Variants in TASP1 observed in about 807,000 individuals in gnomAD.
The protein encoded by TASP1 is taspase 1.
A neutral mutation model predicts 56.6 loss-of-function variants in TASP1; 16 were observed. The ratio of observed to expected loss-of-function variants is 0.28; its 90% CI spans 0.19 to 0.43. The LOEUF (loss-of-function observed/expected upper bound fraction) is 0.43. Among genes scored for constraint, TASP1 ranks in the 20% least tolerant of loss-of-function variants. The pLI is 1.00. For synonymous variants in TASP1, 179 were observed against 184.2 expected (o/e 0.97, Z 0.23); for missense variants, 393 against 511.6 (o/e 0.77, Z 2.24).
intron 12 of TASP1, 21 bp from the exon 13 acceptor site, chr20:13,417,542 A>G (rs753078475): frequency 6.2e-7 from 1 of 1,613,428 alleles, no homozygotes; most frequent in Admixed American, 1.7e-5. Flanking sequence ...AGAGAACACA[A>G]ATAGGCACAT....
intron 10 of TASP1, among the ~76,000 whole-genome samples, chr20:13,511,181 A>T (rs2044313416): frequency 6.6e-6 from 1 of 151,950 alleles, no homozygotes; most frequent in Non-Finnish European, 1.5e-5. Flanking sequence ...TTCCTAGGAA[A>T]AAAAAAAAAA....
chr20:13,483,269 C>T lies in TASP1; in HGVS notation c.943G>A (p.Ala315Thr). The part of the protein sequence containing the change: ...ECSHALQAED[A>T]HQALLETMQN... ...ATAGTCTCCAACAGGGCTTGGTGAG[C>T]ATCCTCAGCTTGTAAAGCATGTGAA... is the stretch of plus-strand genomic sequence containing the variant. Residue 315 changes from alanine to threonine, a missense_variant, in exon 11 of 14, where the codon GCT (alanine) becomes ACT (threonine). This residue lies in a region of TASP1 where 293 missense variants were observed against 354.2 expected (regional missense o/e 0.83). Coordinates refer to ENST00000337743, the MANE Select transcript of TASP1 (RefSeq NM_017714.3). 6.2e-7 allele frequency: 1 copy of T among 1,600,398 alleles called. No individual in the cohort carries two copies. Among genetic ancestry groups the T allele is most frequent in the South Asian group, 1.1e-5 (1 of 88,670 alleles).
intron 11 of TASP1, among the ~76,000 whole-genome samples, chr20:13,441,465 C>T (rs1448344447): frequency 6.6e-6 from 1 of 152,082 alleles, no homozygotes; most frequent in Non-Finnish European, 1.5e-5. Context: ...TGAGCCTTGT[C>T]TACATTAAAG....
At chr20:13,528,586 C>A in intron 9 of TASP1, 75 bp from the exon 10 acceptor site, 1 of 1,295,348 alleles carries the variant, frequency 7.7e-7, no homozygotes. Flanking sequence ...AGAAATCATA[C>A]CCTCTAATAA....
At chr20:13,587,663 A>T (rs1238055479) in intron 4 of TASP1, among the ~76,000 whole-genome samples, 1 of 152,114 alleles carries the variant, frequency 6.6e-6, no homozygotes, top group Non-Finnish European at 1.5e-5. Flanking sequence ...AGATTGGTTT[A>T]ATATCTGAAA....
chr20:13,464,329 G>A (rs925338779), intron 11 of TASP1, among the ~76,000 whole-genome samples: 3 of 152,074 alleles, frequency 2.0e-5, no homozygotes, highest in Non-Finnish European at 2.9e-5. Flanking sequence ...GGGATAAGAT[G>A]GTCATCTACA....
At chr20:13,600,453 C>G (rs1406995601) in intron 4 of TASP1, 1 of 151,820 alleles carries the variant, frequency 6.6e-6, no homozygotes, top group African/African-American at 2.4e-5. Context: ...CAATTTTTGC[C>G]AAAGGTGGCA....
intron 13 of TASP1, among the ~76,000 whole-genome samples, chr20:13,406,307 T>C (rs1283044864): frequency 6.6e-6 from 1 of 152,240 alleles, no homozygotes; most frequent in African/African-American, 2.4e-5. Context: ...TCCATGAATA[T>C]GGCATGTTTC....
chr20:13,203,403 T>C, the TASP1 span, among the ~76,000 whole-genome samples: 4 of 152,230 alleles, frequency 2.6e-5, no homozygotes. Context: ...TAAAGAGACA[T>C]GTACATAGGT....
At chr20:13,427,426 C>G (rs1042927969) in intron 12 of TASP1, among the ~76,000 whole-genome samples, 3 of 152,134 alleles carry the variant, frequency 2.0e-5, no homozygotes, top group African/African-American at 7.2e-5. Flanking sequence ...TTTGATAGAG[C>G]TATGTCTACA....
intron 9 of TASP1, among the ~76,000 whole-genome samples, chr20:13,532,435 G>A (rs1006447636): frequency 6.6e-6 from 1 of 152,076 alleles, no homozygotes; most frequent in African/African-American, 2.4e-5. Context: ...ATAGTTTCAA[G>A]TTTATTACAT....
the TASP1 span, among the ~76,000 whole-genome samples, chr20:13,218,238 G>A: frequency 5.6e-5 from 8 of 143,794 alleles, no homozygotes; most frequent in Non-Finnish European, 9.0e-5. Flanking sequence ...GTGACAGAGT[G>A]ACTCTGTCAA....
At chr20:13,445,689 C>G (rs565331653) in intron 11 of TASP1, among the ~76,000 whole-genome samples, 1 of 152,222 alleles carries the variant, frequency 6.6e-6, no homozygotes, top group South Asian at 2.1e-4. Context: ...AATCTACTAC[C>G]CTGCCAACCC....
chr20:13,200,876 C>T, the TASP1 span, among the ~76,000 whole-genome samples: 3 of 152,146 alleles, frequency 2.0e-5, no homozygotes, highest in Admixed American at 1.3e-4. Flanking sequence ...GCTATTATGC[C>T]GAGGCTTGAA....
At position 13,545,511 on chromosome 20, in the gene TASP1, C is replaced by A. The variant is rs528370021; in HGVS notation, c.676-11370G>T. Reference sequence around the variant, plus strand: ...GGGGACTCTAGCTATGGTCATAATTCCTCTATGGCCTATTTTACTTTGCTA... The same window carrying A: ...GGGGACTCTAGCTATGGTCATAATTACTCTATGGCCTATTTTACTTTGCTA... On this transcript the variant is annotated intron_variant, in intron 8 of 13. Coordinates refer to ENST00000337743, the MANE Select transcript of TASP1 (RefSeq NM_017714.3). Among the ~76,000 whole-genome samples, 77 of 152,144 alleles carry A rather than the reference C, an allele frequency of 5.1e-4. 1 individual carries two copies. Among genetic ancestry groups the A allele is most frequent in the African/African-American group, 1.8e-3 (76 of 41,512 alleles).
At chr20:13,433,519 G>GAAAAAAAAAAAAA (rs2042885498) in intron 12 of TASP1, among the ~76,000 whole-genome samples, 1 of 65,900 alleles carries the variant, frequency 1.5e-5, no homozygotes, top group African/African-American at 7.6e-5. Context: ...AGACAGTATG[G>GAAAAAAAAAAAAA]CAAAAAAAAA....
At chr20:13,270,528 A>G in the TASP1 span, 1 of 1,613,572 alleles carries the variant, frequency 6.2e-7, no homozygotes, top group Admixed American at 1.7e-5. Flanking sequence ...GGGAAGTGAC[A>G]CCACATCAGA....
chr20:13,559,664 C>A (rs1365040609), intron 7 of TASP1, among the ~76,000 whole-genome samples: 1 of 152,100 alleles, frequency 6.6e-6, no homozygotes, highest in African/African-American at 2.4e-5. Context: ...AGGACTAATG[C>A]GGGCATTTAG....
intron 8 of TASP1, among the ~76,000 whole-genome samples, chr20:13,540,105 C>T (rs991392793): frequency 6.6e-6 from 1 of 152,102 alleles, no homozygotes; most frequent in African/African-American, 2.4e-5. Context: ...CATAGTGAAC[C>T]ACTGGTTAAA....
Sources: gnomAD v4.1 joint callset for allele counts (sites outside exome capture counted in the v4.1 genomes callset) on GRCh38, gnomAD v4.1.1 for gene constraint, gnomAD v4.1.1 regional missense constraint, MANE v1.5 for transcripts, NCBI Gene and HGNC (gene_info 2026-07-23, HGNC 2026-07-21) for gene names.